The following ACOX3 variants were observed in gnomAD, a reference collection of about 807,000 sequenced individuals.
ACOX3 encodes the protein acyl-CoA oxidase 3, pristanoyl, also known as peroxisomal acyl-coenzyme A oxidase 3.
In ACOX3, 73 loss-of-function variants were observed where a neutral mutation model predicts 81.5. That is an observed-to-expected ratio of 0.90 (90% CI 0.74 to 1.09). ACOX3 has a LOEUF of 1.09. Ranked by LOEUF, ACOX3 falls within the 50% of genes least tolerant of loss-of-function variation. The pLI is 0.00. For missense variants in ACOX3, 947 were observed against 928.0 expected (o/e 1.02, Z -0.27); for synonymous variants, 387 against 375.1 (o/e 1.03, Z -0.37).
rs927193190 is a variant in ACOX3 at position 8,366,705 on chromosome 4, C to T, written c.*256G>A. The T allele has an allele frequency of 1.7e-4, 55 of 319,412 alleles. No homozygotes were observed. Among genetic ancestry groups the T allele is most frequent in the South Asian group, 5.5e-5 (1 of 18,234 alleles). 19.8% of individuals were successfully genotyped at this position (319,412 alleles called of 1,614,324 possible). A position where few individuals can be genotyped will look rare whatever the true frequency, so the allele number is the denominator to read the frequency against. On this transcript the variant is annotated 3_prime_UTR_variant, in exon 18 of 18. Transcript: ENST00000356406. ...GAAATTCTAATTATCAAAAAACCCA[C>T]GGCGCATCAGGTAGACATGATCATC...
intron 1 of ACOX3, among the ~76,000 whole-genome samples, chr4:8,438,318 A>G (rs1724371777): frequency 6.6e-6 from 1 of 152,250 alleles, no homozygotes; most frequent in Non-Finnish European, 1.5e-5. Flanking sequence ...ATAAAATGGA[A>G]GTTACACACA....
intron 16 of ACOX3, among the ~76,000 whole-genome samples, chr4:8,372,407 A>G (rs1333462764): frequency 1.3e-5 from 2 of 152,052 alleles, no homozygotes; most frequent in African/African-American, 2.4e-5. Flanking sequence ...GACACTTTTT[A>G]TCAACAACAC....
chr4:8,356,157 T>G, the ACOX3 span: 1 of 253,192 alleles, frequency 3.9e-6, no homozygotes, highest in Non-Finnish European at 7.8e-6. Context: ...TAACCCGTTT[T>G]AACGCCAACA....
Position 8,394,512 on chromosome 4 carries a change from C to T in ACOX3, c.1179+108G>A. 2 of 1,485,052 alleles carry T rather than the reference C, an allele frequency of 1.3e-6. No individual in the cohort carries two copies. Among genetic ancestry groups the T allele is most frequent in the East Asian group, 2.4e-5 (1 of 42,028 alleles). The allele number at this position is 1,485,052 out of a possible 1,614,324, so 92.0% of individuals were successfully genotyped here. A position where few individuals can be genotyped will look rare whatever the true frequency, so the allele number is the denominator to read the frequency against. On this transcript the variant is annotated intron_variant, in intron 10 of 17. Coordinates refer to ENST00000356406, the MANE Select transcript of ACOX3 (RefSeq NM_003501.3). This position sits in a 1 kb window ranked among gnomAD's most constrained non-coding sequence, Gnocchi z 5.9. ...GGGAACAACTGGAGGAATGCTCTGT[C>T]CTCGCAAATCAAAGGACTGATTTTG...
At chr4:8,373,477 T>G in intron 16 of ACOX3, 84 bp downstream of exon 16, 1 of 1,426,906 alleles carries the variant, frequency 7.0e-7, no homozygotes, top group Non-Finnish European at 9.7e-7. Context: ...TGCGTGTCGG[T>G]CTGGGTGATG....
In ACOX3 at chr4:8,423,600, G is replaced by A. The variant is rs565974784; in HGVS notation, c.-14-7065C>T. Among the ~76,000 whole-genome samples the A allele has an allele frequency of 7.2e-5, 11 of 152,262 alleles. No individual in the cohort carries two copies. The South Asian group carries it at 2.1e-3, about 29-fold the overall frequency. ...TACAGAAACCCAATGGACAGTGGAGGTTAGTGCAAGATCTCAGGATTATCA... is the reference window on the plus strand; with the variant it reads ...TACAGAAACCCAATGGACAGTGGAGATTAGTGCAAGATCTCAGGATTATCA... On this transcript the variant is annotated intron_variant, in intron 1 of 17. Transcript: ENST00000356406. This position sits in a 1 kb window ranked among gnomAD's most constrained non-coding sequence, Gnocchi z 4.2.
intron 16 of ACOX3, among the ~76,000 whole-genome samples, chr4:8,372,474 C>T (rs993061349): frequency 6.6e-6 from 1 of 152,192 alleles, no homozygotes; most frequent in African/African-American, 2.4e-5. Context: ...CTTGGTGCAC[C>T]TGCATACTCT....
At chr4:8,435,577 G>C (rs531377030) in intron 1 of ACOX3, among the ~76,000 whole-genome samples, 1 of 152,334 alleles carries the variant, frequency 6.6e-6, no homozygotes, top group African/African-American at 2.4e-5. Context: ...GGAACAATTG[G>C]CCATGTATTT....
At chr4:8,422,867 T>A (rs1032707384) in intron 1 of ACOX3, among the ~76,000 whole-genome samples, 2 of 152,168 alleles carry the variant, frequency 1.3e-5, no homozygotes, top group Admixed American at 1.3e-4. Context: ...TAAAAAAGAT[T>A]GTCTGAATAG....
At chr4:8,436,831 A>C (rs1356296216) in intron 1 of ACOX3, among the ~76,000 whole-genome samples, 4 of 150,118 alleles carry the variant, frequency 2.7e-5, no homozygotes, top group East Asian at 2.0e-4. Flanking sequence ...AAAAAAAAAA[A>C]ACACAAAAAA....
chr4:8,364,633 G>A (rs1294203498), downstream of ACOX3, among the ~76,000 whole-genome samples: 5 of 152,336 alleles, frequency 3.3e-5, 1 homozygote, highest in South Asian at 8.3e-4. The surrounding 1 kb of genome is among the most constrained non-coding windows in gnomAD (Gnocchi z 5.0). Context: ...TGGTGACATC[G>A]TGACATCACA....
At position 8,419,595 on chromosome 4, in the gene ACOX3, G is replaced by A. The variant is rs772701881; in HGVS notation, c.-14-3060C>T. Among the ~76,000 whole-genome samples the A allele has an allele frequency of 3.3e-5, 5 of 152,114 alleles. No homozygotes were observed. The highest frequency in any genetic ancestry group is 5.9e-5 in the Non-Finnish European group (4 of 68,024). ...TTCCACAAGTGATTAAACATGGAGT[G>A]ACCACATGACTCAGCAATTCCACTC... On this transcript the variant is annotated intron_variant, in intron 1 of 17. Coordinates refer to ENST00000356406, the MANE Select transcript of ACOX3 (RefSeq NM_003501.3). The surrounding 1 kb of genome is among the most constrained non-coding windows in gnomAD (Gnocchi z 4.2).
rs183859018 is a variant in ACOX3, at chr4:8,370,986, G to A, written c.1905C>T (p.Asp635=). The change falls in exon 17 of 18, where the codon GAC becomes GAT. Residue 635 remains aspartate, a synonymous_variant. Coordinates refer to ENST00000356406, the MANE Select transcript of ACOX3 (RefSeq NM_003501.3). This position sits in a 1 kb window ranked among gnomAD's most constrained non-coding sequence, Gnocchi z 6.3. ...AVLALCSQLK[D]DAVALVDVIA... ...TCACGTCTACCAGGGCAACTGCATC[G>A]TCTTTCAGCTGTTGGAAAACAAAGC... 3.2e-5 allele frequency: 51 copies of A among 1,614,002 alleles called. No homozygotes were observed. The highest frequency in any genetic ancestry group is 1.6e-4 in the Middle Eastern group (1 of 6,062).
At chr4:8,383,147 C>T (rs1417257362) in intron 13 of ACOX3, among the ~76,000 whole-genome samples, 62 of 152,350 alleles carry the variant, frequency 4.1e-4, no homozygotes, top group Non-Finnish European at 1.2e-4. Flanking sequence ...ACACGTCAGG[C>T]GGCTTGCCGG....
At chr4:8,375,244 G>C (rs1225763635) in intron 14 of ACOX3, 92 bp from the exon 15 acceptor site, 4 of 1,281,164 alleles carry the variant, frequency 3.1e-6, no homozygotes, top group South Asian at 2.9e-5. Context: ...ACGAACGCGG[G>C]TCTGCGTTCC....
intron 5 of ACOX3, among the ~76,000 whole-genome samples, chr4:8,411,331 C>G (rs533360111): frequency 6.6e-6 from 1 of 152,198 alleles, no homozygotes; most frequent in African/African-American, 2.4e-5. Flanking sequence ...AATAACGTGC[C>G]GGGGAGGGCT....
Position 8,394,111 on chromosome 4 carries a change from G to A in ACOX3, c.1179+509C>T. ...TGATTCACATTTCACTCTTGCTCAG[G>A]AGGCAGCAGGAGGGACAATGGAAAA... On this transcript the variant is annotated intron_variant, in intron 10 of 17. Transcript: ENST00000356406. This position sits in a 1 kb window ranked among gnomAD's most constrained non-coding sequence, Gnocchi z 5.9. Among the ~76,000 whole-genome samples, 1 of 152,194 alleles carries A rather than the reference G, an allele frequency of 6.6e-6. No individual in the cohort carries two copies. Among genetic ancestry groups the A allele is most frequent in the Non-Finnish European group, 1.5e-5 (1 of 68,046 alleles).
chr4:8,357,800 A>G, the ACOX3 span: 1 of 166,342 alleles, frequency 6.0e-6, no homozygotes, highest in African/African-American at 2.4e-5. Context: ...GCCCACAGAC[A>G]ACACTTTCAC....
intron 10 of ACOX3, among the ~76,000 whole-genome samples, chr4:8,393,954 C>T (rs940876438): frequency 3.3e-5 from 5 of 152,194 alleles, no homozygotes; most frequent in Admixed American, 3.3e-4. Context: ...CATCCCTTCG[C>T]CATCATCTGC....
Sources: allele counts gnomAD v4.1 joint callset (sites outside exome capture counted in the v4.1 genomes callset), GRCh38; gene constraint gnomAD v4.1.1; non-coding constraint Gnocchi (gnomAD v3.1); transcripts MANE v1.5; gene names NCBI Gene and HGNC (gene_info 2026-07-23, HGNC 2026-07-21).